The following PLEKHN1 variants were observed in gnomAD, a reference collection of about 807,000 sequenced individuals.
PLEKHN1 encodes pleckstrin homology domain containing N1, also known as pleckstrin homology domain-containing family N member 1.
A neutral mutation model predicts 72.8 loss-of-function variants in PLEKHN1; 68 were observed. The ratio of observed to expected loss-of-function variants is 0.93; its 90% CI spans 0.77 to 1.14. The LOEUF is 1.14. Among genes scored for constraint, PLEKHN1 ranks in the 50% most tolerant of loss-of-function variants. The pLI is 0.00. For missense variants in PLEKHN1, 1,015 were observed against 840.5 expected, an observed-to-expected ratio of 1.21 and a Z score of -2.57; for synonymous variants, 454 against 371.6, an observed-to-expected ratio of 1.22 and a Z score of -2.55.
chr1:972,924 T>C lies in PLEKHN1; in HGVS notation c.1066T>C (p.Leu356=), dbSNP rs1463411707. Residue 356 remains leucine (L), a synonymous_variant, in exon 11 of 16, where the codon TTG becomes CTG. Transcript: ENST00000379410. ...GGQTSWDSGC[L]APPSTRTSHS... ...ACAGACCAGCTGGGACTCGGGGTGC[T>C]TGGCGCCCCCCTCCACCCGCACCAG... The C allele has an allele frequency of 3.2e-6, 5 of 1,561,512 alleles. No homozygotes were observed. The highest frequency in any genetic ancestry group is 4.3e-6 in the Non-Finnish European group (5 of 1,152,840).
At position 970,494 on chromosome 1, in the gene PLEKHN1, G is replaced by A. The variant is rs760293529; in HGVS notation, c.331-27G>A. ...ATCAGCCTGGGGCTCCCCAGACTCC[G>A]CACTGACGACCCTGCTCCCCGCGCA... On this transcript the variant is annotated intron_variant, in intron 3 of 15. Coordinates refer to ENST00000379410, the MANE Select transcript of PLEKHN1 (RefSeq NM_032129.3). This position sits in a 1 kb window ranked among gnomAD's most constrained non-coding sequence, Gnocchi z 4.2. 3.0e-5 allele frequency: 49 copies of A among 1,612,944 alleles called. No individual in the cohort carries two copies. Among genetic ancestry groups the A allele is most frequent in the Non-Finnish European group, 3.9e-5 (46 of 1,179,946 alleles).
rs1643537892 is a variant in PLEKHN1, at chr1:974,978, C to T, written c.*403C>T. 3 of 219,878 alleles carry T rather than the reference C, an allele frequency of 1.4e-5. No individual in the cohort carries two copies. The highest frequency in any genetic ancestry group is 2.8e-5 in the Non-Finnish European group (3 of 109,082). 13.6% of individuals were successfully genotyped at this position (219,878 alleles called of 1,614,324 possible). A position where few individuals can be genotyped will look rare whatever the true frequency, so the allele number is the denominator to read the frequency against. Reference sequence around the variant, plus strand: ...GTGAGGTCAGAGGGCATGAGGGTCACAGGTCAGCAAGGTGTGAGGAGCACA... The same window carrying T: ...GTGAGGTCAGAGGGCATGAGGGTCATAGGTCAGCAAGGTGTGAGGAGCACA... On this transcript the variant is annotated 3_prime_UTR_variant, in exon 16 of 16. Coordinates refer to ENST00000379410, the MANE Select transcript of PLEKHN1 (RefSeq NM_032129.3).
At chr1:967,496 G>A (rs902567494) in intron 2 of PLEKHN1, among the ~76,000 whole-genome samples, 3 of 152,108 alleles carry the variant, frequency 2.0e-5, no homozygotes, top group Non-Finnish European at 2.9e-5. Flanking sequence ...AGGGCAGACA[G>A]GAACCCCCAC....
rs1479589235 is a variant in PLEKHN1, at chr1:974,327, C to T, written c.1665C>T (p.Ala555=). 1 of 1,612,934 alleles carries T rather than the reference C, an allele frequency of 6.2e-7. No homozygotes were observed. The highest frequency in any genetic ancestry group is 1.7e-5 in the Admixed American group (1 of 60,028). ...PPDAPQLVSS[A]REGSPEPWLP... ...GTTTGGGGTTCCAGGTCTCCTCTGC[C>T]AGGGAAGGTTCGCCCGAACCCTGGC... The change falls in exon 15 of 16, where the codon GCC becomes GCT. Residue 555 remains alanine, a synonymous_variant. Transcript: ENST00000379410.
At position 975,157 on chromosome 1, in the gene PLEKHN1, AAG is replaced by A. The variant is rs1643550336; in HGVS notation, c.*586_*587del. ...GAGAAAAGAAGAGAAGAGAGAAGAG[AAG>A]AGAAGGAAAGAGAGAGAGAGAATAA... is the stretch of plus-strand genomic sequence containing the variant. On this transcript the variant is annotated 3_prime_UTR_variant, in exon 16 of 16. Coordinates refer to ENST00000379410, the MANE Select transcript of PLEKHN1 (RefSeq NM_032129.3). The A allele has an allele frequency of 1.3e-5, 2 of 152,584 alleles. No homozygotes were observed. Among genetic ancestry groups the A allele is most frequent in the Admixed American group, 1.3e-4 (2 of 15,286 alleles). 9.5% of individuals were successfully genotyped at this position (152,584 alleles called of 1,614,324 possible). A position where few individuals can be genotyped will look rare whatever the true frequency, so the allele number is the denominator to read the frequency against.
At chr1:968,892 G>A (rs1314654270) in intron 2 of PLEKHN1, among the ~76,000 whole-genome samples, 1 of 152,120 alleles carries the variant, frequency 6.6e-6, no homozygotes, top group Non-Finnish European at 1.5e-5. Flanking sequence ...GAGACCCCTC[G>A]GGGGAGACCC....
In PLEKHN1 at chr1:974,461, G is replaced by C; in HGVS notation, c.1722G>C (p.Arg574Ser). The change falls in exon 16 of 16, where the codon AGG becomes AGC. Residue 574 changes from arginine to serine, a missense_variant. Physicochemically the swap from Arg to Ser is moderately radical, Grantham distance 110. Coordinates refer to ENST00000379410, the MANE Select transcript of PLEKHN1 (RefSeq NM_032129.3). ...TACCAGATGGTCGGTCCCCCAGGAG[G>C]AGCCGGGACCCCGGCTACGACCACC... is the stretch of plus-strand genomic sequence containing the variant. ...LPLTDGRSPR[R>S]SRDPGYDHLW... 1 of 1,612,842 alleles carries C rather than the reference G, an allele frequency of 6.2e-7. No individual in the cohort carries two copies. Among genetic ancestry groups the C allele is most frequent in the Non-Finnish European group, 8.5e-7 (1 of 1,179,964 alleles).
rs1273037505 is a variant in PLEKHN1, at chr1:973,068, TGTTGGGGACCCTGG to T, written c.1152+59_1152+72del. 1.9e-6 allele frequency: 3 copies of T among 1,548,132 alleles called. No individual in the cohort carries two copies. In the African/African-American group the frequency reaches 4.1e-5, roughly 21 times the overall value. ...GGCAGAAGGCTGTCGGGTAGGTGTG[TGTTGGGGACCCTGG>T]TTCCTCAGGGGAACTCAGACTGGAG... On this transcript the variant is annotated intron_variant, in intron 11 of 15. Coordinates refer to ENST00000379410, the MANE Select transcript of PLEKHN1 (RefSeq NM_032129.3).
chr1:972,021 C>T (rs1380861490), intron 8 of PLEKHN1, 54 bp from the exon 9 acceptor site: 9 of 1,547,986 alleles, frequency 5.8e-6, no homozygotes, highest in Non-Finnish European at 7.9e-6. Context: ...TGAGGCCAGG[C>T]GGGGCCCCGG....
rs759522236 is a variant in PLEKHN1, at chr1:974,908, G to C, written c.*333G>C. The C allele has an allele frequency of 2.8e-5, 10 of 361,010 alleles. No individual in the cohort carries two copies. Among genetic ancestry groups the C allele is most frequent in the Non-Finnish European group, 4.1e-5 (8 of 194,278 alleles). 22.4% of individuals were successfully genotyped at this position (361,010 alleles called of 1,614,324 possible). A position where few individuals can be genotyped will look rare whatever the true frequency, so the allele number is the denominator to read the frequency against. The stretch of plus-strand genomic sequence containing the variant: ...CGCTGGGAGTGGGAGGGCAGCACGG[G>C]CGTGAAGGTCGGAGGACAGAGAAAG... On this transcript the variant is annotated 3_prime_UTR_variant, in exon 16 of 16. Coordinates refer to ENST00000379410, the MANE Select transcript of PLEKHN1 (RefSeq NM_032129.3).
chr1:971,543 T>C, intron 8 of PLEKHN1, 139 bp downstream of exon 8: 1 of 767,818 alleles, frequency 1.3e-6, no homozygotes, highest in East Asian at 2.7e-5. Flanking sequence ...CCCGCGGTCC[T>C]GGTCAGTCTG....
chr1:972,218 G>A (rs539865455), intron 9 of PLEKHN1, 68 bp downstream of exon 9: 97 of 1,601,438 alleles, frequency 6.1e-5, no homozygotes, highest in African/African-American at 8.0e-5. Flanking sequence ...CCTGGGGGAC[G>A]CCCGACTCTT....
intron 2 of PLEKHN1, among the ~76,000 whole-genome samples, chr1:969,367 G>GCA (rs1416180568): frequency 0.016 from 1,066 of 67,116 alleles, 15 homozygotes; most frequent in African/African-American, 0.082. Flanking sequence ...GCATGTGTTT[G>GCA]CACGTGTATA....
chr1:971,387 G>A lies in PLEKHN1; in HGVS notation c.772G>A (p.Asp258Asn). Reference protein sequence around the residue: ...TSLAIFSEELDGLCFKGELPL... With the variant: ...TSLAIFSEELNGLCFKGELPL... ...CTTGGCCATTTTCTCCGAGGAGCTGGACGGGCTTTGCTTCAAGGTGGGCCC... is the reference window on the plus strand; with the variant it reads ...CTTGGCCATTTTCTCCGAGGAGCTGAACGGGCTTTGCTTCAAGGTGGGCCC... Residue 258 changes from aspartate (D) to asparagine (N), a missense_variant, in exon 8 of 16, where the codon GAC becomes AAC. Transcript: ENST00000379410. 1 of 1,585,680 alleles carries A rather than the reference G, an allele frequency of 6.3e-7. No homozygotes were observed. The highest frequency in any genetic ancestry group is 8.6e-7 in the Non-Finnish European group (1 of 1,167,210).
rs28561399 is a variant in PLEKHN1 at position 975,093 on chromosome 1, G to A, written c.*518G>A. ...AGCACGGGAGACGTTGACACCACCG[G>A]ACGAGAAAGAAAAAAGAGAGAAGAG... On this transcript the variant is annotated 3_prime_UTR_variant, in exon 16 of 16. Transcript: ENST00000379410. 22,963 of 152,172 alleles carry A rather than the reference G, an allele frequency of 0.15. 1,904 individuals carry two copies. Among genetic ancestry groups the A allele is most frequent in the South Asian group, 0.22 (1,035 of 4,790 alleles). 9.4% of individuals were successfully genotyped at this position (152,172 alleles called of 1,614,324 possible). A position where few individuals can be genotyped will look rare whatever the true frequency, so the allele number is the denominator to read the frequency against.
In PLEKHN1 at chr1:973,978, A is replaced by G. The variant is rs147185103; in HGVS notation, c.1580A>G (p.Gln527Arg). ...PYLLSKKGAL[Q>R]SRAAQRHRGS... The stretch of plus-strand genomic sequence containing the variant: ...TTGCTCTCCAAGAAGGGAGCCCTGC[A>G]GTCCAGAGCCGCTCAGAGACACCGG... The change falls in exon 14 of 16, where the codon CAG becomes CGG. Residue 527 changes from glutamine (Q) to arginine (R), a missense_variant. Physicochemically the swap from Gln to Arg is conservative, Grantham distance 43 (BLOSUM62 1). Transcript: ENST00000379410. 8 of 1,608,958 alleles carry G rather than the reference A, an allele frequency of 5.0e-6. No individual in the cohort carries two copies. The African/African-American group carries it at 9.3e-5, about 19-fold the overall frequency.
rs1459473284 is a variant in PLEKHN1, at chr1:970,557, C to T, written c.367C>T (p.His123Tyr). 2 of 1,613,122 alleles carry T rather than the reference C, an allele frequency of 1.2e-6. No individual in the cohort carries two copies. Among genetic ancestry groups the T allele is most frequent in the East Asian group, 2.2e-5 (1 of 44,870 alleles). The change falls in exon 4 of 16, where the codon CAC (histidine) becomes TAC (tyrosine). Residue 123 changes from histidine to tyrosine, a missense_variant. Coordinates refer to ENST00000379410, the MANE Select transcript of PLEKHN1 (RefSeq NM_032129.3). The surrounding 1 kb of genome is among the most constrained non-coding windows in gnomAD (Gnocchi z 4.2). ...CTGCTACCTGGAGCTATTCCCCGCC[C>T]ACCTGTACTTCCAGGCCCACGGCTC... ...SDCYLELFPA[H>Y]LYFQAHGSEG...
Position 972,805 on chromosome 1 carries a change from G to A in PLEKHN1, c.1003-56G>A. The A allele has an allele frequency of 1.3e-6, 2 of 1,485,838 alleles. 1 individual carries two copies. The highest frequency in any genetic ancestry group is 2.7e-5 in the South Asian group (2 of 74,176). 92.0% of individuals were successfully genotyped at this position (1,485,838 alleles called of 1,614,324 possible). On this transcript the variant is annotated intron_variant, in intron 10 of 15. Transcript: ENST00000379410. The stretch of plus-strand genomic sequence containing the variant: ...GGGGACAGCACGGTGGGTCCAGGCA[G>A]GGGCGGGTGGGGAGGGGGTCCAGCC...
chr1:966,736 CG>C lies in PLEKHN1; in HGVS notation c.119del (p.Gly40AlafsTer39). The stretch of plus-strand genomic sequence containing the variant: ...AGCGCGCGGATGTCGGCCGGCCTGC[CG>C]GGCCCCGAGGCTGCTCGAAGCGGGG... Reference protein sequence around the residue: ...EDSARMSAGLPGPEAARSGDA... With the variant: ...EDSARMSAGLXGPEAARSGDA... On this transcript the variant is annotated frameshift_variant, in exon 2 of 16. Transcript: ENST00000379410. LOFTEE classifies it high-confidence loss of function. 6.4e-7 allele frequency: 1 copy of C among 1,574,574 alleles called. No homozygotes were observed. The highest frequency in any genetic ancestry group is 8.6e-7 in the Non-Finnish European group (1 of 1,160,582).
Sources: allele counts gnomAD v4.1 joint callset (sites outside exome capture counted in the v4.1 genomes callset), GRCh38; gene constraint gnomAD v4.1.1; non-coding constraint Gnocchi (gnomAD v3.1); transcripts MANE v1.5; gene names NCBI Gene and HGNC (gene_info 2026-07-23, HGNC 2026-07-21).